Variants in FABP6 observed in about 807,000 individuals in gnomAD.
FABP6 encodes the protein gastrotropin.
FABP6 carries 13 observed loss-of-function variants against 14.9 expected under a neutral mutation model. That is an observed-to-expected ratio of 0.87 (90% CI 0.57 to 1.39). The LOEUF (loss-of-function observed/expected upper bound fraction) is 1.39, where lower values mean the gene tolerates loss of function less well. Among genes scored for constraint, FABP6 ranks in the 40% most tolerant of loss-of-function variants. The probability of loss-of-function intolerance (pLI) is 0.00; values close to 1 mark genes in which losing one functional copy is unlikely to be tolerated. For synonymous variants in FABP6, 75 were observed against 63.6 expected, an observed-to-expected ratio of 1.18 and a Z score of -0.85; for missense variants, 161 against 167.2, an observed-to-expected ratio of 0.96 and a Z score of 0.20.
chr5:160,193,440 C>T (rs1466493822), intron 1 of FABP6, among the ~76,000 whole-genome samples: 2 of 152,038 alleles, frequency 1.3e-5, no homozygotes, highest in Non-Finnish European at 2.9e-5. Flanking sequence ...GGGACCCGAG[C>T]GGGTTGCGAC....
intron 3 of FABP6, among the ~76,000 whole-genome samples, chr5:160,220,108 C>T (rs1279072869): frequency 6.6e-6 from 1 of 152,150 alleles, no homozygotes; most frequent in African/African-American, 2.4e-5. Flanking sequence ...AAAAGACTCA[C>T]TTTGTGAAGG....
intron 2 of FABP6, among the ~76,000 whole-genome samples, chr5:160,233,050 C>T (rs1393560802): frequency 2.7e-5 from 4 of 149,522 alleles, no homozygotes; most frequent in African/African-American, 9.8e-5. Flanking sequence ...GTCATGATCT[C>T]GGCTCACTGC....
chr5:160,194,433 G>A (rs187492134), intron 1 of FABP6, among the ~76,000 whole-genome samples: 1 of 152,270 alleles, frequency 6.6e-6, no homozygotes, highest in Non-Finnish European at 1.5e-5. Context: ...GAGAGTGAGC[G>A]AGGGCTGTGA....
chr5:160,193,246 G>A (rs573939511), intron 1 of FABP6, among the ~76,000 whole-genome samples: 26 of 152,206 alleles, frequency 1.7e-4, no homozygotes, highest in African/African-American at 6.3e-4. Flanking sequence ...CGCGGTGAGT[G>A]TTGCGGCACG....
At chr5:160,224,442 C>T (rs1760199467) in intron 3 of FABP6, among the ~76,000 whole-genome samples, 1 of 151,656 alleles carries the variant, frequency 6.6e-6, no homozygotes, top group African/African-American at 2.4e-5. Context: ...AGAAATTAGG[C>T]CAATTAATAA....
chr5:160,216,953 CAGGACCT>C lies in FABP6; in HGVS notation c.135+3135_135+3141del, dbSNP rs1289058817. Among the ~76,000 whole-genome samples the C allele has an allele frequency of 4.6e-5, 7 of 152,174 alleles. 1 individual carries two copies. The highest frequency in any genetic ancestry group is 1.4e-4 in the African/African-American group (6 of 41,446). On this transcript the variant is annotated intron_variant, in intron 3 of 6. Coordinates refer to the FABP6 transcript ENST00000393980. ...TCCTTTTAGTTAGTGGACAAGAGTG[CAGGACCT>C]GTAGCCAGACATCCTCCTCCGCTTA...
intron 3 of FABP6, among the ~76,000 whole-genome samples, chr5:160,235,915 C>A (rs1308356477): frequency 6.6e-6 from 1 of 151,988 alleles, no homozygotes; most frequent in Non-Finnish European, 1.5e-5. Flanking sequence ...GCTCTGGAAG[C>A]AGGAAAGTAC....
intron 1 of FABP6, chr5:160,196,532 G>A (rs1009900416): frequency 1.3e-5 from 2 of 152,234 alleles, no homozygotes; most frequent in Non-Finnish European, 2.9e-5. Flanking sequence ...AAGTTGCAAG[G>A]GTGGGGAGTG....
At chr5:160,191,382 G>A (rs1041312288) in intron 1 of FABP6, among the ~76,000 whole-genome samples, 9 of 151,838 alleles carry the variant, frequency 5.9e-5, no homozygotes, top group Non-Finnish European at 1.0e-4. Context: ...CAGGAGAATC[G>A]CTTGAAACCG....
chr5:160,229,581 G>C lies in FABP6; in HGVS notation c.24G>C (p.Glu8Asp). The C allele has an allele frequency of 6.2e-7, 1 of 1,614,020 alleles. No individual in the cohort carries two copies. The highest frequency in any genetic ancestry group is 1.3e-5 in the African/African-American group (1 of 75,034). Residue 8 changes from glutamate (E) to aspartate (D), a missense_variant, in exon 1 of 4, where the codon GAG (glutamate) becomes GAC (aspartate). Coordinates refer to ENST00000402432, the MANE Select transcript of FABP6 (RefSeq NM_001445.3). MAFTGKF[E>D]MESEKNYDEF... ...GCATGGCTTTCACCGGCAAGTTCGA[G>C]ATGGAGAGTGAGAAGAATTATGATG...
rs555371130 is a variant in FABP6, at chr5:160,206,343, G to A, written c.51+7186G>A. Among the ~76,000 whole-genome samples the A allele has an allele frequency of 5.3e-5, 8 of 152,214 alleles. No homozygotes were observed. In the South Asian group the frequency reaches 8.3e-4, roughly 16 times the overall value. The stretch of plus-strand genomic sequence containing the variant: ...CTTGGGAGGCTGGGGCAAGAGAATC[G>A]CTTGAACCCGGGAGGCAGAGGCTGG... On this transcript the variant is annotated intron_variant, in intron 2 of 6. Coordinates refer to the FABP6 transcript ENST00000393980.
Position 160,212,493 on chromosome 5 carries a change from G to T in FABP6, c.52-1243G>T, listed in dbSNP as rs142725356. ...TTTTTATTTTTATTTTTTGGAGACG[G>T]AGTCTCACTCTGTCAACCAGGTTAG... On this transcript the variant is annotated intron_variant, in intron 2 of 6. Coordinates refer to the FABP6 transcript ENST00000393980. 4.4e-4 allele frequency among the ~76,000 whole-genome samples: 66 copies of T among 151,378 alleles called. No individual in the cohort carries two copies. The East Asian group carries it at 8.2e-3, about 19-fold the overall frequency.
chr5:160,225,071 T>C (rs933606411), upstream of FABP6, among the ~76,000 whole-genome samples: 2 of 148,364 alleles, frequency 1.3e-5, no homozygotes, highest in Admixed American at 6.8e-5. Flanking sequence ...TGAACTACCA[T>C]GTCTGGTCAA....
upstream of FABP6, among the ~76,000 whole-genome samples, chr5:160,225,088 T>A (rs1043809840): frequency 1.4e-4 from 16 of 118,108 alleles, no homozygotes; most frequent in African/African-American, 5.7e-4. Context: ...TCAAACCTGA[T>A]AGCAGTTTTT....
At chr5:160,207,786 T>C (rs1272876323) in intron 2 of FABP6, among the ~76,000 whole-genome samples, 3 of 151,210 alleles carry the variant, frequency 2.0e-5, no homozygotes, top group Non-Finnish European at 4.4e-5. Flanking sequence ...TGCGATGGCA[T>C]GATCTCGGCT....
chr5:160,209,251 T>C (rs10051643), intron 2 of FABP6, among the ~76,000 whole-genome samples: 43,083 of 151,796 alleles, frequency 0.28, 6,262 homozygotes, highest in East Asian at 0.45. Flanking sequence ...GTGTGGTGGC[T>C]CATGCCTATA....
intron 2 of FABP6, among the ~76,000 whole-genome samples, chr5:160,209,871 C>T (rs1759850185): frequency 6.6e-6 from 1 of 152,138 alleles, no homozygotes; most frequent in Admixed American, 6.6e-5. Flanking sequence ...TCTATATATA[C>T]AGTCTCAGGT....
intron 1 of FABP6, among the ~76,000 whole-genome samples, chr5:160,193,384 G>C (rs1580895112): frequency 6.6e-6 from 1 of 152,152 alleles, no homozygotes; most frequent in Non-Finnish European, 1.5e-5. Context: ...GCAGTAGCAA[G>C]ATTTATTGCA....
intron 3 of FABP6, among the ~76,000 whole-genome samples, chr5:160,219,966 C>T (rs1760097579): frequency 6.6e-6 from 1 of 152,158 alleles, no homozygotes; most frequent in African/African-American, 2.4e-5. Flanking sequence ...CACAGCCTTA[C>T]AGCCTATTCC....
Sources: allele counts gnomAD v4.1 joint callset (sites outside exome capture counted in the v4.1 genomes callset), GRCh38; gene constraint gnomAD v4.1.1; transcripts MANE v1.5; gene names NCBI Gene and HGNC (gene_info 2026-07-23, HGNC 2026-07-21).